Variants in ZFYVE27 observed in about 807,000 individuals in gnomAD.
The protein encoded by ZFYVE27 is zinc finger FYVE-type containing 27.
ZFYVE27 carries 36 observed loss-of-function variants against 52.8 expected under a neutral mutation model. That is an observed-to-expected ratio of 0.68 (90% CI 0.52 to 0.90). The LOEUF is 0.90. Among genes scored for constraint, ZFYVE27 ranks in the 40% least tolerant of loss-of-function variants. The probability of loss-of-function intolerance (pLI) is 0.00; values close to 1 mark genes in which losing one functional copy is unlikely to be tolerated. For synonymous variants in ZFYVE27, 223 were observed against 215.6 expected (o/e 1.03, Z -0.30); for missense variants, 450 against 527.2 (o/e 0.85, Z 1.43).
At chr10:97,748,223 C>T (rs753986578) in intron 4 of ZFYVE27, 46 bp from the exon 5 acceptor site, 2 of 1,596,508 alleles carry the variant, frequency 1.3e-6, no homozygotes, top group Non-Finnish European at 1.7e-6. Context: ...GCTCCACTTC[C>T]CAGGGCTTCT....
intron 4 of ZFYVE27, among the ~76,000 whole-genome samples, chr10:97,746,447 A>C (rs74611969): frequency 1.3e-5 from 2 of 152,342 alleles, no homozygotes; most frequent in African/African-American, 2.4e-5. Flanking sequence ...GGCTTCGTCT[A>C]TCTCTCTACA....
Position 97,750,457 on chromosome 10 carries a change from T to C in ZFYVE27, c.791T>C (p.Leu264Pro). The C allele has an allele frequency of 1.2e-6, 2 of 1,614,088 alleles. No homozygotes were observed. Among genetic ancestry groups the C allele is most frequent in the Non-Finnish European group, 1.7e-6 (2 of 1,180,022 alleles). Residue 264 changes from leucine to proline, a missense_variant, in exon 7 of 13, where the codon CTC becomes CCC. Physicochemically the swap from Leu to Pro is moderately conservative, Grantham distance 98 (BLOSUM62 -3). Coordinates refer to ENST00000684270, the MANE Select transcript of ZFYVE27 (RefSeq NM_001385875.1). Reference sequence around the variant, plus strand: ...GGTCTGATGGACAGCACGCCTGCCCTCACACCCACGGAGGTAAGTGCCACT... The same window carrying C: ...GGTCTGATGGACAGCACGCCTGCCCCCACACCCACGGAGGTAAGTGCCACT... ...KDGLMDSTPA[L>P]TPTEDLTPGS...
At position 97,738,550 on chromosome 10, in the gene ZFYVE27, T is replaced by C. The variant is rs752596671; in HGVS notation, c.73T>C (p.Ser25Pro). ...PSVMPEAPLE[S>P]PPFPTKSPAF... Reference sequence around the variant, plus strand: ...CGTGATGCCCGAGGCTCCCCTGGAGTCTCCACCTTTTCCTACCAAGTCCCC... The same window carrying C: ...CGTGATGCCCGAGGCTCCCCTGGAGCCTCCACCTTTTCCTACCAAGTCCCC... Residue 25 changes from serine (S) to proline (P), a missense_variant, in exon 2 of 13, where the codon TCT (serine) becomes CCT (proline). Physicochemically the swap from Ser to Pro is moderately conservative, Grantham distance 74. Transcript: ENST00000684270. 5.0e-6 allele frequency: 8 copies of C among 1,613,936 alleles called. No homozygotes were observed. In the South Asian group the frequency reaches 8.8e-5, roughly 18 times the overall value.
intron 12 of ZFYVE27, chr10:97,757,929 A>T: frequency 1.7e-6 from 1 of 577,314 alleles, no homozygotes; most frequent in Admixed American, 3.0e-5. Flanking sequence ...TGAATTGTGA[A>T]GGGTAATAAC....
intron 3 of ZFYVE27, 139 bp from the exon 4 acceptor site, chr10:97,744,590 A>G: frequency 2.1e-6 from 2 of 948,166 alleles, no homozygotes; most frequent in Admixed American, 4.0e-5. Context: ...GGGGTGAGAC[A>G]CTGTGTCGTA....
chr10:97,750,357 C>T lies in ZFYVE27; in HGVS notation c.691C>T (p.Gln231Ter). 7 of 1,614,166 alleles carry T rather than the reference C, an allele frequency of 4.3e-6. No individual in the cohort carries two copies. The highest frequency in any genetic ancestry group is 5.9e-6 in the Non-Finnish European group (7 of 1,180,040). The change falls in exon 7 of 13, where the codon CAG becomes TAG. Residue 231 changes from glutamine (Q) to a stop codon, truncating the protein, a stop_gained. Coordinates refer to ENST00000684270, the MANE Select transcript of ZFYVE27 (RefSeq NM_001385875.1). LOFTEE classifies it high-confidence loss of function. ...TGTGTCTGAGTACAGGGCATCTCTGCAGCAGAGGATGAACCCAAAGCAGGA... is the reference window on the plus strand; with the variant it reads ...TGTGTCTGAGTACAGGGCATCTCTGTAGCAGAGGATGAACCCAAAGCAGGA... ...RVVSEYRASL[Q>*]QRMNPKQEEH... is the part of the protein sequence containing the mutation.
In ZFYVE27 at chr10:97,759,763, T is replaced by C. The variant is rs2049232184; in HGVS notation, c.*463T>C. ...AGCCTCAGAGAGCCTGCAGAAGGGC[T>C]TGGGAGTGCCACACCCCATCTCTGC... is the stretch of plus-strand genomic sequence containing the variant. On this transcript the variant is annotated 3_prime_UTR_variant, in exon 13 of 13. Transcript: ENST00000684270. 4.7e-6 allele frequency: 1 copy of C among 213,244 alleles called. No individual in the cohort carries two copies. The highest frequency in any genetic ancestry group is 9.8e-6 in the Non-Finnish European group (1 of 102,354). 13.2% of individuals were successfully genotyped at this position (213,244 alleles called of 1,614,324 possible).
At chr10:97,739,936 C>A (rs978629012) in intron 2 of ZFYVE27, among the ~76,000 whole-genome samples, 4 of 144,798 alleles carry the variant, frequency 2.8e-5, no homozygotes, top group Non-Finnish European at 6.0e-5. Flanking sequence ...TGTTGCATTG[C>A]ATCAGGAGTC....
intron 7 of ZFYVE27, 84 bp downstream of exon 7, chr10:97,750,554 C>T (rs2046664607): frequency 1.9e-6 from 3 of 1,579,118 alleles, no homozygotes; most frequent in South Asian, 1.1e-5. Context: ...CCTGGGCTGG[C>T]CTCTGTTGTA....
intron 2 of ZFYVE27, 161 bp downstream of exon 2, chr10:97,738,835 C>T: frequency 1.3e-6 from 1 of 753,634 alleles, no homozygotes; most frequent in Non-Finnish European, 2.3e-6. Context: ...TCTAGGCCTA[C>T]CCTGTGTCTC....
At chr10:97,739,071 C>A (rs2042871167) in intron 2 of ZFYVE27, among the ~76,000 whole-genome samples, 1 of 150,240 alleles carries the variant, frequency 6.7e-6, no homozygotes, top group South Asian at 2.1e-4. Flanking sequence ...AATACAAAAA[C>A]CTGTGAATAA....
intron 1 of ZFYVE27, among the ~76,000 whole-genome samples, chr10:97,738,055 C>T (rs1209650376): frequency 6.6e-6 from 1 of 152,210 alleles, no homozygotes; most frequent in Non-Finnish European, 1.5e-5. Flanking sequence ...GTGATAAGTG[C>T]TCTGTTAGGG....
At chr10:97,746,687 C>CTT (rs777562975) in intron 4 of ZFYVE27, among the ~76,000 whole-genome samples, 42 of 142,670 alleles carry the variant, frequency 2.9e-4, no homozygotes, top group East Asian at 2.8e-3. Flanking sequence ...TTCCTTTTTT[C>CTT]TTTTTTTTTT....
chr10:97,755,971 C>T (rs550893190), intron 10 of ZFYVE27, among the ~76,000 whole-genome samples: 1 of 152,270 alleles, frequency 6.6e-6, no homozygotes, highest in South Asian at 2.1e-4. Flanking sequence ...GCTCTCAGCT[C>T]CCAGAGCCCT....
At chr10:97,746,573 G>C (rs1386882996) in intron 4 of ZFYVE27, among the ~76,000 whole-genome samples, 1 of 152,120 alleles carries the variant, frequency 6.6e-6, no homozygotes, top group African/African-American at 2.4e-5. Flanking sequence ...CCACAGAGCT[G>C]TAATCAAAAT....
intron 8 of ZFYVE27, among the ~76,000 whole-genome samples, chr10:97,752,231 C>G (rs938595793): frequency 2.0e-5 from 3 of 152,162 alleles, no homozygotes; most frequent in African/African-American, 7.2e-5. Flanking sequence ...GATATCATTT[C>G]TCTTTATTTA....
intron 9 of ZFYVE27, 39 bp from the exon 10 acceptor site, chr10:97,752,999 G>A: frequency 6.2e-7 from 1 of 1,612,932 alleles, no homozygotes. Context: ...CTGCAGCCTT[G>A]CAAGAGGTGG....
intron 10 of ZFYVE27, among the ~76,000 whole-genome samples, chr10:97,755,941 G>A (rs980619870): frequency 6.6e-6 from 1 of 152,170 alleles, no homozygotes; most frequent in Non-Finnish European, 1.5e-5. Flanking sequence ...TGTTGGAAGG[G>A]AACGTCACCT....
chr10:97,738,664 T>C lies in ZFYVE27; in HGVS notation c.187T>C (p.Tyr63His), dbSNP rs760616920. 25 of 1,614,130 alleles carry C rather than the reference T, an allele frequency of 1.5e-5. No homozygotes were observed. Among genetic ancestry groups the C allele is most frequent in the Non-Finnish European group, 2.0e-5 (24 of 1,180,050 alleles). Residue 63 changes from tyrosine to histidine, a missense_variant, in exon 2 of 13, where the codon TAC becomes CAC. Coordinates refer to ENST00000684270, the MANE Select transcript of ZFYVE27 (RefSeq NM_001385875.1). ...PLKDAGDGVRYLLRWQMPLCS... is the reference protein window; with the variant it reads ...PLKDAGDGVRHLLRWQMPLCS... Reference sequence around the variant, plus strand: ...GAAGGATGCAGGTGATGGTGTTCGATACTTGCTCAGGTACAGACTTTGTGG... The same window carrying C: ...GAAGGATGCAGGTGATGGTGTTCGACACTTGCTCAGGTACAGACTTTGTGG...
Sources: allele counts gnomAD v4.1 joint callset (sites outside exome capture counted in the v4.1 genomes callset), GRCh38; gene constraint gnomAD v4.1.1; transcripts MANE v1.5; gene names NCBI Gene and HGNC (gene_info 2026-07-23, HGNC 2026-07-21).